Variants in CCDC102B observed in about 807,000 individuals in gnomAD.
CCDC102B encodes the protein coiled-coil domain-containing protein 102B.
In CCDC102B, 75 loss-of-function variants were observed where a neutral mutation model predicts 57.4. The observed-to-expected ratio is 1.31, with a 90% CI of 1.08 to 1.58. CCDC102B has a LOEUF of 1.58. Ranked by LOEUF, CCDC102B falls within the 40% of genes most tolerant of loss-of-function variation. The pLI is 0.00. For synonymous variants in CCDC102B, 206 were observed against 201.9 expected, an observed-to-expected ratio of 1.02 and a Z score of -0.17; for missense variants, 636 against 582.6, an observed-to-expected ratio of 1.09 and a Z score of -0.94.
intron 6 of CCDC102B, among the ~76,000 whole-genome samples, chr18:68,931,817 A>G (rs1183588018): frequency 6.6e-6 from 1 of 151,940 alleles, no homozygotes; most frequent in African/African-American, 2.4e-5. Flanking sequence ...GCTAAAACTC[A>G]GTCACATGAC....
At chr18:69,024,757 G>T (rs894343118) in intron 7 of CCDC102B, among the ~76,000 whole-genome samples, 6 of 151,906 alleles carry the variant, frequency 3.9e-5, no homozygotes, top group African/African-American at 1.4e-4. Context: ...ACAGAATAAT[G>T]ATTACAGGAA....
chr18:68,994,617 G>T (rs1297973633), intron 6 of CCDC102B, among the ~76,000 whole-genome samples: 1 of 151,968 alleles, frequency 6.6e-6, no homozygotes, highest in Non-Finnish European at 1.5e-5. Flanking sequence ...GTTCTCACAA[G>T]ATCTGATGGT....
intron 2 of CCDC102B, among the ~76,000 whole-genome samples, chr18:68,762,889 T>C (rs556197116): frequency 2.0e-5 from 3 of 152,186 alleles, no homozygotes; most frequent in African/African-American, 7.2e-5. Flanking sequence ...CTACCTGTGG[T>C]TTTAGGCATC....
intron 2 of CCDC102B, among the ~76,000 whole-genome samples, chr18:68,767,531 T>C (rs2034508718): frequency 1.3e-5 from 2 of 152,234 alleles, no homozygotes; most frequent in South Asian, 4.1e-4. Context: ...TATTCTGCTA[T>C]AGCAGCCCAA....
At chr18:68,827,396 G>C (rs2144755975) in intron 1 of CCDC102B, among the ~76,000 whole-genome samples, 1 of 152,148 alleles carries the variant, frequency 6.6e-6, no homozygotes, top group East Asian at 1.9e-4. Flanking sequence ...AGAGAAATAA[G>C]TTTTCCATAC....
chr18:68,913,668 AAAAGC>A (rs1342528325), intron 6 of CCDC102B, among the ~76,000 whole-genome samples: 2 of 151,222 alleles, frequency 1.3e-5, no homozygotes, highest in Admixed American at 6.6e-5. Context: ...AGAAAAAAAA[AAAAGC>A]AAAAACAAAG....
At chr18:68,950,873 T>C (rs909070483) in intron 6 of CCDC102B, among the ~76,000 whole-genome samples, 2 of 152,190 alleles carry the variant, frequency 1.3e-5, no homozygotes, top group Non-Finnish European at 2.9e-5. Flanking sequence ...TTTTGAGAAT[T>C]AAACGTGACA....
At position 68,897,383 on chromosome 18, in the gene CCDC102B, T is replaced by A; in HGVS notation, c.1218T>A (p.Ser406Arg). ...KKNRLSANSQ[S>R]PDFKMSQIDL... is the part of the protein sequence containing the mutation. ...ATAGATTAAGTGCAAACTCTCAAAGTCCTGATTTCAAGATGTCACAAATTG... is the reference window on the plus strand; with the variant it reads ...ATAGATTAAGTGCAAACTCTCAAAGACCTGATTTCAAGATGTCACAAATTG... Residue 406 changes from serine (S) to arginine (R), a missense_variant, in exon 6 of 8, where the codon AGT becomes AGA. Coordinates refer to ENST00000360242, the MANE Select transcript of CCDC102B (RefSeq NM_024781.3). 1 of 1,612,254 alleles carries A rather than the reference T, an allele frequency of 6.2e-7. No homozygotes were observed. Among genetic ancestry groups the A allele is most frequent in the Non-Finnish European group, 8.5e-7 (1 of 1,179,072 alleles).
At chr18:68,917,564 A>G (rs560019510) in intron 6 of CCDC102B, among the ~76,000 whole-genome samples, 1 of 152,228 alleles carries the variant, frequency 6.6e-6, no homozygotes, top group East Asian at 1.9e-4. Context: ...ATTTACTTCC[A>G]CTGGGATTAA....
In CCDC102B at chr18:68,836,670, A is replaced by C. The variant is rs954992157; in HGVS notation, c.-15-79A>C. The C allele has an allele frequency of 8.4e-6, 10 of 1,187,420 alleles. No homozygotes were observed. The African/African-American group carries it at 1.2e-4, about 15-fold the overall frequency. 73.6% of individuals were successfully genotyped at this position (1,187,420 alleles called of 1,614,324 possible). ...GTTTTCATCAATTTTCAAAAAAAAA[A>C]AAAAAAAAAGTGTAGGTCTTGTTCC... On this transcript the variant is annotated intron_variant, in intron 1 of 7. Transcript: ENST00000360242.
chr18:68,724,713 C>T (rs2032513110), intron 2 of CCDC102B, among the ~76,000 whole-genome samples: 1 of 152,152 alleles, frequency 6.6e-6, no homozygotes, highest in East Asian at 1.9e-4. Context: ...CAAACTTTCC[C>T]ACATCTTCCT....
chr18:68,736,818 T>G (rs555879838), intron 2 of CCDC102B, among the ~76,000 whole-genome samples: 1 of 152,270 alleles, frequency 6.6e-6, no homozygotes, highest in Non-Finnish European at 1.5e-5. Flanking sequence ...GTGGGAATTC[T>G]GAGAGATACA....
chr18:68,978,965 A>G (rs924377297), intron 6 of CCDC102B, among the ~76,000 whole-genome samples: 9 of 152,200 alleles, frequency 5.9e-5, no homozygotes, highest in Non-Finnish European at 1.2e-4. Context: ...AGAAGCAGAT[A>G]TGAAATATTA....
chr18:68,936,139 C>CA (rs950054500), intron 6 of CCDC102B, among the ~76,000 whole-genome samples: 3 of 151,484 alleles, frequency 2.0e-5, no homozygotes, highest in African/African-American at 7.3e-5. Context: ...TTATATGAAA[C>CA]AAAAATGAAT....
At chr18:68,761,611 A>G (rs1257954196) in intron 2 of CCDC102B, among the ~76,000 whole-genome samples, 1 of 151,962 alleles carries the variant, frequency 6.6e-6, no homozygotes, top group Non-Finnish European at 1.5e-5. Flanking sequence ...ATTTTGTTGC[A>G]AACTTCCTTA....
chr18:69,030,558 C>A (rs1464625605), intron 7 of CCDC102B, among the ~76,000 whole-genome samples: 1 of 152,154 alleles, frequency 6.6e-6, no homozygotes, highest in Non-Finnish European at 1.5e-5. Context: ...GGAATCTTTT[C>A]TTGTTCTTTG....
chr18:68,829,297 A>C (rs935690357), intron 1 of CCDC102B, among the ~76,000 whole-genome samples: 2 of 151,940 alleles, frequency 1.3e-5, no homozygotes, highest in African/African-American at 4.8e-5. Context: ...GGGTGACTGA[A>C]GTGGAGTATT....
chr18:68,991,402 C>T (rs2050864320), intron 6 of CCDC102B, among the ~76,000 whole-genome samples: 1 of 152,176 alleles, frequency 6.6e-6, no homozygotes, highest in Non-Finnish European at 1.5e-5. Context: ...TGTGCAATTA[C>T]AGGGCACTAA....
intron 6 of CCDC102B, among the ~76,000 whole-genome samples, chr18:69,008,723 C>T (rs564659415): frequency 6.6e-6 from 1 of 152,332 alleles, no homozygotes; most frequent in East Asian, 1.9e-4. Flanking sequence ...CCCACCTCTT[C>T]TGGACTTCGG....
Sources: allele counts gnomAD v4.1 joint callset (sites outside exome capture counted in the v4.1 genomes callset), GRCh38; gene constraint gnomAD v4.1.1; transcripts MANE v1.5; gene names NCBI Gene and HGNC (gene_info 2026-07-23, HGNC 2026-07-21).